Variants in LLGL1 observed in about 807,000 individuals in gnomAD.
LLGL1 encodes the protein lethal(2) giant larvae protein homolog 1.
Under a neutral mutation model 110.6 loss-of-function variants are expected in LLGL1, and 58 were observed. The ratio of observed to expected loss-of-function variants is 0.52; its 90% confidence interval spans 0.42 to 0.65. LLGL1 has a LOEUF of 0.65. Among genes scored for constraint, LLGL1 ranks in the 30% least tolerant of loss-of-function variants. LLGL1 has a pLI of 0.00. For synonymous variants in LLGL1, 674 were observed against 607.2 expected (o/e 1.11, Z -1.62); for missense variants, 1,229 against 1,462.1 (o/e 0.84, Z 2.60).
intron 1 of LLGL1, among the ~76,000 whole-genome samples, chr17:18,226,481 C>G (rs2047446601): frequency 6.6e-6 from 1 of 152,224 alleles, no homozygotes; most frequent in Admixed American, 6.5e-5. Context: ...TCCTTCCTTC[C>G]CCCACTGCTC....
At position 18,235,429 on chromosome 17, in the gene LLGL1, C is replaced by T. The variant is rs371894647; in HGVS notation, c.1285-41C>T. ...CTCGGGGTGAGAGGGAGAAGATGTT[C>T]GTCCTAACCTTGTGCATACATCTCT... On this transcript the variant is annotated intron_variant, in intron 10 of 22. Coordinates refer to ENST00000316843, the MANE Select transcript of LLGL1 (RefSeq NM_004140.4). 8.9e-5 allele frequency: 144 copies of T among 1,610,674 alleles called. No homozygotes were observed. In the African/African-American group the frequency reaches 1.5e-3, roughly 17 times the overall value.
chr17:18,232,368 A>G (rs1597862852), intron 2 of LLGL1, 127 bp from the exon 3 acceptor site: 1 of 744,918 alleles, frequency 1.3e-6, no homozygotes, highest in Non-Finnish European at 2.2e-6. Context: ...TTCAGGGAGG[A>G]CTCCTGGATG....
intron 13 of LLGL1, chr17:18,237,230 G>A (rs2047713212): frequency 1.7e-6 from 1 of 597,594 alleles, no homozygotes; most frequent in Non-Finnish European, 3.0e-6. Flanking sequence ...AGAGGCTCAG[G>A]GTAAGGGTGG....
intron 1 of LLGL1, among the ~76,000 whole-genome samples, chr17:18,229,501 G>A (rs894712418): frequency 6.6e-6 from 1 of 152,094 alleles, no homozygotes; most frequent in African/African-American, 2.4e-5. Flanking sequence ...GTCATCTTGC[G>A]GGACTCCTCC....
At chr17:18,229,119 G>A (rs1349925694) in intron 1 of LLGL1, among the ~76,000 whole-genome samples, 1 of 152,194 alleles carries the variant, frequency 6.6e-6, no homozygotes, top group African/African-American at 2.4e-5. Flanking sequence ...TGGTGTTCAG[G>A]ATGGGGCTGG....
Position 18,238,603 on chromosome 17 carries a change from C to G in LLGL1, c.2200C>G (p.Arg734Gly), listed in dbSNP as rs760297874. ...CCTATACTTTGCCGACACATTCCTT[C>G]GAGATGGTAAGGCAGGGGCAGGGGC... is the stretch of plus-strand genomic sequence containing the variant. ...RCLYFADTFL[R>G]DGAHHGPTMW... is the part of the protein sequence containing the mutation. The change falls in exon 16 of 23, where the codon CGA becomes GGA. Residue 734 changes from arginine to glycine, a missense_variant. By Grantham distance (125) the Arg-to-Gly change is moderately radical. Coordinates refer to ENST00000316843, the MANE Select transcript of LLGL1 (RefSeq NM_004140.4). The G allele has an allele frequency of 1.2e-6, 2 of 1,611,384 alleles. No individual in the cohort carries two copies. Among genetic ancestry groups the G allele is most frequent in the Non-Finnish European group, 1.7e-6 (2 of 1,179,406 alleles).
chr17:18,235,840 T>C (rs1474301920), intron 11 of LLGL1: 7 of 401,202 alleles, frequency 1.7e-5, no homozygotes, highest in Non-Finnish European at 3.2e-5. Context: ...CCAGGGAAGG[T>C]GCCAGAGAGC....
chr17:18,240,543 C>T lies in LLGL1; in HGVS notation c.2207-35C>T. 3 of 1,547,710 alleles carry T rather than the reference C, an allele frequency of 1.9e-6. No individual in the cohort carries two copies. Among genetic ancestry groups the T allele is most frequent in the Non-Finnish European group, 1.7e-6 (2 of 1,144,390 alleles). On this transcript the variant is annotated intron_variant, in intron 16 of 22. Coordinates refer to ENST00000316843, the MANE Select transcript of LLGL1 (RefSeq NM_004140.4). The surrounding 1 kb of genome is among the most constrained non-coding windows in gnomAD (Gnocchi z 5.3). ...GACCCCAGGGGAGATGCCTGGCCCA[C>T]AGGGAGCACCCTCCTACGCGCTTGT...
intron 1 of LLGL1, among the ~76,000 whole-genome samples, chr17:18,227,165 G>A (rs754456552): frequency 6.6e-6 from 1 of 152,284 alleles, no homozygotes; most frequent in Non-Finnish European, 1.5e-5. Flanking sequence ...GCACTGGGAT[G>A]TCTCAGGGTT....
In LLGL1 at chr17:18,242,006, GGA is replaced by G. The variant is rs753975124; in HGVS notation, c.2882+9_2882+10del. ...GCGATGCCACCCAGGCCAGGTGTGT[GGA>G]GGGGCAGCTCCTAGCCTGGGGGACC... On this transcript the variant is annotated splice_region_variant and intron_variant, in intron 19 of 22. Transcript: ENST00000316843. The G allele has an allele frequency of 2.2e-5, 36 of 1,608,924 alleles. No individual in the cohort carries two copies. The highest frequency in any genetic ancestry group is 8.5e-7 in the Non-Finnish European group (1 of 1,175,324).
chr17:18,229,867 G>T, intron 1 of LLGL1, 74 bp from the exon 2 acceptor site: 1 of 1,015,184 alleles, frequency 9.9e-7, no homozygotes. Context: ...GGCTGCCTTG[G>T]GGTGGGCCTC....
Position 18,238,585 on chromosome 17 carries a change from T to G in LLGL1, c.2182T>G (p.Phe728Val), listed in dbSNP as rs1337336803. 1.9e-6 allele frequency: 3 copies of G among 1,612,496 alleles called. No individual in the cohort carries two copies. In the South Asian group the frequency reaches 3.3e-5, roughly 18 times the overall value. ...GTCGGGTGTCGTGCGTTGCCTATAC[T>G]TTGCCGACACATTCCTTCGAGATGG... ...SLSGVVRCLY[F>V]ADTFLRDGAH... Residue 728 changes from phenylalanine to valine, a missense_variant, in exon 16 of 23, where the codon TTT becomes GTT. By Grantham distance (50) the Phe-to-Val change is conservative. Coordinates refer to ENST00000316843, the MANE Select transcript of LLGL1 (RefSeq NM_004140.4).
rs1231129089 is a variant in LLGL1, at chr17:18,232,723, G to C, written c.313G>C (p.Val105Leu). The C allele has an allele frequency of 6.2e-7, 1 of 1,614,056 alleles. No homozygotes were observed. Among genetic ancestry groups the C allele is most frequent in the Admixed American group, 1.7e-5 (1 of 60,006 alleles). The change falls in exon 4 of 23, where the codon GTC becomes CTC. Residue 105 changes from valine (V) to leucine (L), a missense_variant. Transcript: ENST00000316843. ...DDSSLHLWEI[V>L]HHNGCAHLEE... is the part of the protein sequence containing the mutation. ...CAGCAGTCTGCATCTCTGGGAGATT[G>C]TCCACCATAATGGCTGTGCCCACCT...
In LLGL1 at chr17:18,240,550, C is replaced by G. The variant is rs752162057; in HGVS notation, c.2207-28C>G. 6.4e-7 allele frequency: 1 copy of G among 1,554,296 alleles called. No individual in the cohort carries two copies. Reference sequence around the variant, plus strand: ...GGGGAGATGCCTGGCCCACAGGGAGCACCCTCCTACGCGCTTGTTTTCTGC... The same window carrying G: ...GGGGAGATGCCTGGCCCACAGGGAGGACCCTCCTACGCGCTTGTTTTCTGC... On this transcript the variant is annotated intron_variant, in intron 16 of 22. Transcript: ENST00000316843. The surrounding 1 kb of genome is among the most constrained non-coding windows in gnomAD (Gnocchi z 5.3).
chr17:18,232,698 C>T lies in LLGL1; in HGVS notation c.288C>T (p.Asp96=). 4 of 1,614,194 alleles carry T rather than the reference C, an allele frequency of 2.5e-6. No individual in the cohort carries two copies. Among genetic ancestry groups the T allele is most frequent in the Non-Finnish European group, 3.4e-6 (4 of 1,180,024 alleles). Residue 96 remains aspartate (D), a synonymous_variant, in exon 4 of 23, where the codon GAC becomes GAT. Transcript: ENST00000316843. Reference sequence around the variant, plus strand: ...GCCGCCTCCTGTCCCTGCTTGATGACAGCAGTCTGCATCTCTGGGAGATTG... The same window carrying T: ...GCCGCCTCCTGTCCCTGCTTGATGATAGCAGTCTGCATCTCTGGGAGATTG... ...GQGRLLSLLD[D]SSLHLWEIVH...
At chr17:18,236,972 C>A in intron 13 of LLGL1, 33 bp downstream of exon 13, 3 of 1,544,074 alleles carry the variant, frequency 1.9e-6, no homozygotes, top group South Asian at 2.3e-5. Context: ...TTGGAGATGT[C>A]AGGGAGGGCT....
chr17:18,243,174 C>T (rs2047888454), intron 22 of LLGL1, among the ~76,000 whole-genome samples: 1 of 152,226 alleles, frequency 6.6e-6, no homozygotes, highest in South Asian at 2.1e-4. Context: ...GTGGCGTGAT[C>T]TTGGCTCACT....
At chr17:18,238,318 G>T in intron 15 of LLGL1, 104 bp downstream of exon 15, 2 of 1,577,356 alleles carry the variant, frequency 1.3e-6, no homozygotes, top group Non-Finnish European at 1.7e-6. Flanking sequence ...CTCCTCCCTC[G>T]GCAGCCCCTG....
In LLGL1 at chr17:18,243,898, C is replaced by T. The variant is rs569829573; in HGVS notation, c.*2-10C>T. On this transcript the variant is annotated splice_polypyrimidine_tract_variant and intron_variant, in intron 22 of 22. Coordinates refer to ENST00000316843, the MANE Select transcript of LLGL1 (RefSeq NM_004140.4). ...ACCTTCTGCTGATACCTCTTCTCTC[C>T]CTCTTCCAGGAAGGCCAGAACTATC... 2.0e-5 allele frequency: 3 copies of T among 152,710 alleles called. No homozygotes were observed. The highest frequency in any genetic ancestry group is 3.8e-4 in the East Asian group (2 of 5,204). The allele number at this position is 152,710 out of a possible 1,614,324, so 9.5% of individuals were successfully genotyped here.
Sources: gnomAD v4.1 joint callset for allele counts (sites outside exome capture counted in the v4.1 genomes callset) on GRCh38, gnomAD v4.1.1 for gene constraint, Gnocchi (gnomAD v3.1) non-coding constraint, MANE v1.5 for transcripts, NCBI Gene and HGNC (gene_info 2026-07-23, HGNC 2026-07-21) for gene names.